Variants in ARHGAP12 observed in about 807,000 individuals in gnomAD.
ARHGAP12 encodes Rho GTPase activating protein 12.
In ARHGAP12, 64 loss-of-function variants were observed where a neutral mutation model predicts 108.6. The observed-to-expected ratio is 0.59, with a 90% CI of 0.48 to 0.73. ARHGAP12 has a LOEUF of 0.73. Ranked by LOEUF, ARHGAP12 falls within the 30% of genes least tolerant of loss-of-function variation. The pLI, the probability that ARHGAP12 is intolerant of heterozygous loss-of-function variation, is 0.00. For synonymous variants in ARHGAP12, 312 were observed against 337.2 expected (o/e 0.93, Z 0.82); for missense variants, 940 against 1,005.9 (o/e 0.93, Z 0.89).
At chr10:31,900,972 T>C (rs991530994) in intron 3 of ARHGAP12, among the ~76,000 whole-genome samples, 3 of 152,132 alleles carry the variant, frequency 2.0e-5, no homozygotes, top group East Asian at 3.9e-4. Context: ...TCCCAGCACT[T>C]TGAGAGGCTG....
In ARHGAP12 at chr10:31,807,519, C is replaced by T; in HGVS notation, c.*139G>A. 2 of 684,012 alleles carry T rather than the reference C, an allele frequency of 2.9e-6. No homozygotes were observed. Among genetic ancestry groups the T allele is most frequent in the Non-Finnish European group, 4.5e-6 (2 of 442,216 alleles). The allele number at this position is 684,012 out of a possible 1,614,324, so 42.4% of individuals were successfully genotyped here. A position where few individuals can be genotyped will look rare whatever the true frequency, so the allele number is the denominator to read the frequency against. ...GGCCTAACACACATCTCGACTCTCC[C>T]CTTCCCTTCTGATCCCTCAAAAAAA... On this transcript the variant is annotated 3_prime_UTR_variant, in exon 20 of 20. Transcript: ENST00000344936.
chr10:31,871,817 A>G (rs1837552531), intron 3 of ARHGAP12, among the ~76,000 whole-genome samples: 1 of 152,230 alleles, frequency 6.6e-6, no homozygotes, highest in South Asian at 2.1e-4. Flanking sequence ...AGGAACTAAT[A>G]GGAACCAGCA....
At chr10:31,882,827 A>G (rs1465615201) in intron 3 of ARHGAP12, among the ~76,000 whole-genome samples, 25 of 151,590 alleles carry the variant, frequency 1.6e-4, no homozygotes, top group Admixed American at 9.9e-4. Context: ...AAAGAAAAAA[A>G]AAAAAAAAAA....
chr10:31,898,025 G>A (rs1838776053), intron 3 of ARHGAP12, among the ~76,000 whole-genome samples: 1 of 152,084 alleles, frequency 6.6e-6, no homozygotes, highest in African/African-American at 2.4e-5. Flanking sequence ...TTGGGAGGCT[G>A]AGGTGGGAAA....
chr10:31,857,875 C>T (rs2778649), intron 4 of ARHGAP12, among the ~76,000 whole-genome samples: 1 of 151,988 alleles, frequency 6.6e-6, no homozygotes, highest in Non-Finnish European at 1.5e-5. Flanking sequence ...AACTAAGATT[C>T]TATTATTAAC....
chr10:31,877,014 G>C (rs376462740), intron 3 of ARHGAP12, among the ~76,000 whole-genome samples: 1 of 152,190 alleles, frequency 6.6e-6, no homozygotes, highest in African/African-American at 2.4e-5. Context: ...CTTGAGACAT[G>C]TGTCAGCTCC....
chr10:31,856,398 T>A (rs1456638676), intron 4 of ARHGAP12, among the ~76,000 whole-genome samples: 1 of 152,114 alleles, frequency 6.6e-6, no homozygotes, highest in South Asian at 2.1e-4. Context: ...TCTAAAAGGC[T>A]ATCCCACAAT....
intron 3 of ARHGAP12, among the ~76,000 whole-genome samples, chr10:31,901,655 T>G (rs1406258147): frequency 1.3e-5 from 2 of 152,116 alleles, no homozygotes; most frequent in East Asian, 3.9e-4. Flanking sequence ...GTTACTATAT[T>G]CCAGTACTAT....
chr10:31,908,214 T>G lies in ARHGAP12; in HGVS notation c.642A>C (p.Glu214Asp), dbSNP rs781289725. Residue 214 changes from glutamate to aspartate, a missense_variant, in exon 3 of 20, where the codon GAA becomes GAC. Glu to Asp is a conservative substitution (Grantham distance 45). Transcript: ENST00000344936. ...EGSERIHQDS[E>D]SGDELSSSST... Reference sequence around the variant, plus strand: ...AGCTGCTGCTAAGTTCATCACCAGATTCAGAATCTTGATGTATTCTTTCAG... The same window carrying G: ...AGCTGCTGCTAAGTTCATCACCAGAGTCAGAATCTTGATGTATTCTTTCAG... The G allele has an allele frequency of 6.2e-7, 1 of 1,611,876 alleles. No individual in the cohort carries two copies.
chr10:31,842,189 T>C (rs185848426), intron 7 of ARHGAP12, among the ~76,000 whole-genome samples: 2 of 152,268 alleles, frequency 1.3e-5, no homozygotes, highest in Admixed American at 1.3e-4. Context: ...ATCCTATTTG[T>C]TCTGGTATGA....
intron 3 of ARHGAP12, among the ~76,000 whole-genome samples, chr10:31,864,028 C>T (rs1837231040): frequency 6.6e-6 from 1 of 152,122 alleles, no homozygotes; most frequent in African/African-American, 2.4e-5. Flanking sequence ...AATAGAAGAA[C>T]ACTGTAAACA....
intron 6 of ARHGAP12, among the ~76,000 whole-genome samples, chr10:31,845,624 A>C (rs1320855476): frequency 6.6e-6 from 1 of 152,172 alleles, no homozygotes; most frequent in Non-Finnish European, 1.5e-5. Context: ...GTCTCTACTA[A>C]AAATACAAAA....
chr10:31,890,038 T>C (rs1838354426), intron 3 of ARHGAP12, among the ~76,000 whole-genome samples: 1 of 152,152 alleles, frequency 6.6e-6, no homozygotes, highest in South Asian at 2.1e-4. Context: ...ATAGAACTAA[T>C]ATTGTACCAA....
At chr10:31,829,010 C>T (rs372448902) in intron 10 of ARHGAP12, among the ~76,000 whole-genome samples, 3 of 151,954 alleles carry the variant, frequency 2.0e-5, no homozygotes, top group South Asian at 2.1e-4. Context: ...AAATTAGCCA[C>T]GCGTAGTGGC....
At chr10:31,921,015 G>A (rs747298094) in intron 1 of ARHGAP12, among the ~76,000 whole-genome samples, 8 of 152,284 alleles carry the variant, frequency 5.3e-5, no homozygotes, top group East Asian at 3.9e-4. Flanking sequence ...GGTGGCTCAC[G>A]CGTGTAATCC....
intron 4 of ARHGAP12, among the ~76,000 whole-genome samples, chr10:31,854,984 C>A: frequency 7.8e-6 from 1 of 128,428 alleles, no homozygotes; most frequent in Non-Finnish European, 1.6e-5. Flanking sequence ...AAAAGAAGAA[C>A]AAGGAGGAGG....
At chr10:31,813,809 G>T (rs556163175) in intron 14 of ARHGAP12, among the ~76,000 whole-genome samples, 2 of 152,168 alleles carry the variant, frequency 1.3e-5, no homozygotes, top group Non-Finnish European at 2.9e-5. Flanking sequence ...AGAAACGCTT[G>T]CATCTGTTTA....
At chr10:31,841,060 T>C (rs1836245080) in intron 7 of ARHGAP12, among the ~76,000 whole-genome samples, 1 of 151,986 alleles carries the variant, frequency 6.6e-6, no homozygotes, top group Non-Finnish European at 1.5e-5. Flanking sequence ...ATGATAATTA[T>C]ATTTTTCATA....
intron 3 of ARHGAP12, among the ~76,000 whole-genome samples, chr10:31,889,197 C>G (rs118123728): frequency 3.3e-5 from 5 of 152,336 alleles, no homozygotes; most frequent in Non-Finnish European, 7.3e-5. Context: ...CAGACGTGAG[C>G]CACCACACCT....
Sources: gnomAD v4.1 joint callset for allele counts (sites outside exome capture counted in the v4.1 genomes callset) on GRCh38, gnomAD v4.1.1 for gene constraint, MANE v1.5 for transcripts, NCBI Gene and HGNC (gene_info 2026-07-23, HGNC 2026-07-21) for gene names.